PRIM2: variants seen among roughly 807,000 people sequenced by gnomAD.
The protein encoded by PRIM2 is DNA primase subunit 2.
In PRIM2, 39 loss-of-function variants were observed where a neutral mutation model predicts 67.3. That is an observed-to-expected ratio of 0.58 (90% CI 0.45 to 0.76). The LOEUF (loss-of-function observed/expected upper bound fraction) is 0.76. Ranked by LOEUF, PRIM2 falls within the 30% of genes least tolerant of loss-of-function variation. The pLI is 0.00. For synonymous variants in PRIM2, 143 were observed against 198.7 expected (o/e 0.72, Z 2.36); for missense variants, 398 against 598.7 (o/e 0.66, Z 3.50).
intron 10 of PRIM2, among the ~76,000 whole-genome samples, chr6:57,572,282 G>A (rs1775877252): frequency 1.3e-5 from 2 of 152,216 alleles, no homozygotes; most frequent in African/African-American, 4.8e-5. Flanking sequence ...GAATGGAATA[G>A]TGTTGAGCGG....
At chr6:57,464,870 A>G (rs1773134549) in intron 7 of PRIM2, among the ~76,000 whole-genome samples, 1 of 152,212 alleles carries the variant, frequency 6.6e-6, no homozygotes, top group Non-Finnish European at 1.5e-5. Context: ...TAATCTTAAC[A>G]GTATACTTTA....
intron 7 of PRIM2, chr6:57,382,696 T>C (rs1770004344): frequency 6.6e-6 from 1 of 152,208 alleles, no homozygotes; most frequent in Admixed American, 6.5e-5. Flanking sequence ...TTGTTGGAAG[T>C]GTGACTCTTA....
At chr6:57,455,698 T>C (rs1431578269) in intron 7 of PRIM2, among the ~76,000 whole-genome samples, 9 of 152,212 alleles carry the variant, frequency 5.9e-5, no homozygotes, top group African/African-American at 2.2e-4. Context: ...GTGAGATGGG[T>C]TTCCTGAATA....
the PRIM2 span, among the ~76,000 whole-genome samples, chr6:57,308,457 G>C: frequency 6.6e-6 from 1 of 152,142 alleles, no homozygotes; most frequent in African/African-American, 2.4e-5. Flanking sequence ...ATGGTTTCCA[G>C]TGTTTGAGTA....
At chr6:57,570,134 T>G (rs1775834366) in intron 10 of PRIM2, among the ~76,000 whole-genome samples, 1 of 152,222 alleles carries the variant, frequency 6.6e-6, no homozygotes, top group Non-Finnish European at 1.5e-5. Context: ...TTTTAGTTTG[T>G]TAACTCATGG....
chr6:57,292,072 G>A, the PRIM2 span, among the ~76,000 whole-genome samples: 61 of 152,268 alleles, frequency 4.0e-4, no homozygotes, highest in Non-Finnish European at 7.2e-4. Context: ...GTTTGCAGAT[G>A]ACATGATTGT....
chr6:57,371,537 G>A (rs1249933257), intron 5 of PRIM2, among the ~76,000 whole-genome samples: 1 of 152,192 alleles, frequency 6.6e-6, no homozygotes, highest in African/African-American at 2.4e-5. Flanking sequence ...AGTTTTGCCA[G>A]ATCTAGGCAA....
chr6:57,474,884 A>G (rs1255607593), intron 7 of PRIM2, among the ~76,000 whole-genome samples: 1 of 152,196 alleles, frequency 6.6e-6, no homozygotes, highest in African/African-American at 2.4e-5. Flanking sequence ...TTCAATGCTG[A>G]CACTGGCATA....
At chr6:57,334,789 G>A (rs1033272407) in intron 5 of PRIM2, among the ~76,000 whole-genome samples, 1 of 152,204 alleles carries the variant, frequency 6.6e-6, no homozygotes, top group African/African-American at 2.4e-5. Flanking sequence ...GGATACAGAA[G>A]CAGCATATGC....
chr6:57,255,415 G>A, the PRIM2 span, among the ~76,000 whole-genome samples: 3 of 151,392 alleles, frequency 2.0e-5, no homozygotes, highest in Non-Finnish European at 2.9e-5. Context: ...GGAGAATGGC[G>A]TGAACCCGGG....
intron 7 of PRIM2, among the ~76,000 whole-genome samples, chr6:57,421,589 A>G (rs1771467721): frequency 6.6e-6 from 1 of 152,182 alleles, no homozygotes; most frequent in South Asian, 2.1e-4. Context: ...TTCTTTTGTA[A>G]GTATTACAAT....
chr6:57,423,966 T>C (rs9475938), intron 7 of PRIM2, among the ~76,000 whole-genome samples: 10,081 of 152,294 alleles, frequency 0.066, 697 homozygotes, highest in African/African-American at 0.17. Flanking sequence ...TGTGAGCACA[T>C]GTACCCTATT....
At chr6:57,256,745 T>C in the PRIM2 span, among the ~76,000 whole-genome samples, 1,726 of 86,592 alleles carry the variant, frequency 0.02, 17 homozygotes, top group African/African-American at 0.041. Flanking sequence ...CACACACACA[T>C]ACACTCTTAC....
At chr6:57,486,720 A>T (rs1322270821) in intron 7 of PRIM2, among the ~76,000 whole-genome samples, 65 of 152,388 alleles carry the variant, frequency 4.3e-4, no homozygotes, top group African/African-American at 1.5e-3. Flanking sequence ...AAACCTAGGC[A>T]TCAGAAATGA....
chr6:57,428,649 G>A (rs1351540406), intron 7 of PRIM2, among the ~76,000 whole-genome samples: 2 of 152,068 alleles, frequency 1.3e-5, no homozygotes, highest in Non-Finnish European at 2.9e-5. Context: ...TGAAGGGAGG[G>A]CATTGTGCTT....
At chr6:57,587,509 A>C (rs1776212366) in intron 10 of PRIM2, among the ~76,000 whole-genome samples, 1 of 151,830 alleles carries the variant, frequency 6.6e-6, no homozygotes, top group Non-Finnish European at 1.5e-5. Context: ...CTAAAAATAC[A>C]AAAAATTAGC....
intron 5 of PRIM2, among the ~76,000 whole-genome samples, chr6:57,374,002 A>G (rs1374908327): frequency 6.6e-6 from 1 of 152,148 alleles, no homozygotes; most frequent in South Asian, 2.1e-4. Context: ...TGGTAGTTTG[A>G]TGGGATTAGC....
At chr6:57,400,234 TG>T (rs898792200) in intron 7 of PRIM2, among the ~76,000 whole-genome samples, 2 of 152,266 alleles carry the variant, frequency 1.3e-5, no homozygotes, top group African/African-American at 4.8e-5. Flanking sequence ...TTGTATTAGC[TG>T]GTAGCAGTCT....
rs1773885666 is a variant in PRIM2, at chr6:57,491,342, C to G, written c.694-16045C>G. ...AACTTGCAAAAGAAATTTATGAATT[C>G]ATATTGCATTTGATAAAGTATTTCT... On this transcript the variant is annotated intron_variant, in intron 7 of 13. Coordinates refer to ENST00000615550, the MANE Select transcript of PRIM2 (RefSeq NM_000947.5). Among the ~76,000 whole-genome samples, 3 of 152,236 alleles carry G rather than the reference C, an allele frequency of 2.0e-5. No homozygotes were observed. The Middle Eastern group carries it at 0.01, about 518-fold the overall frequency.
Sources: gnomAD v4.1 joint callset for allele counts (sites outside exome capture counted in the v4.1 genomes callset) on GRCh38, gnomAD v4.1.1 for gene constraint, MANE v1.5 for transcripts, NCBI Gene and HGNC (gene_info 2026-07-23, HGNC 2026-07-21) for gene names.